MYOF: variants seen among roughly 807,000 people sequenced by gnomAD.
The protein encoded by MYOF is myoferlin.
MYOF carries 244 observed loss-of-function variants against 284.2 expected under a neutral mutation model. The ratio of observed to expected loss-of-function variants is 0.86; its 90% CI spans 0.77 to 0.95. The LOEUF (loss-of-function observed/expected upper bound fraction) is 0.95, where lower values mean the gene tolerates loss of function less well. Ranked by LOEUF, MYOF falls within the 40% of genes least tolerant of loss-of-function variation. MYOF has a pLI of 0.00. For synonymous variants in MYOF, 904 were observed against 919.7 expected (o/e 0.98, Z 0.31); for missense variants, 2,496 against 2,560.6 (o/e 0.97, Z 0.54).
intron 31 of MYOF, 49 bp from the exon 32 acceptor site, chr10:93,353,937 C>A (rs994576134): frequency 2.1e-6 from 3 of 1,413,978 alleles, no homozygotes; most frequent in Admixed American, 2.1e-5. Flanking sequence ...ACACTGTAAA[C>A]TGCTATTTTA....
intron 1 of MYOF, among the ~76,000 whole-genome samples, chr10:93,471,012 AT>A (rs202021871): frequency 2.0e-4 from 31 of 151,494 alleles, no homozygotes; most frequent in South Asian, 1.5e-3. Context: ...AGGGCAAGGA[AT>A]TTTTTTTTTC....
intron 49 of MYOF, among the ~76,000 whole-genome samples, chr10:93,319,030 G>A (rs1842742017): frequency 6.6e-6 from 1 of 152,154 alleles, no homozygotes; most frequent in Non-Finnish European, 1.5e-5. Context: ...TTTTAGAGAA[G>A]CTGCCTCTGT....
At chr10:93,406,288 T>TTATATATATATATATATA (rs3980375) in intron 7 of MYOF, among the ~76,000 whole-genome samples, 581 of 58,024 alleles carry the variant, frequency 0.01, 29 homozygotes, top group Non-Finnish European at 0.015. Context: ...TAAACCTCTT[T>TTATATATATATATATATA]TATATATATA....
intron 39 of MYOF, 49 bp downstream of exon 39, chr10:93,340,104 G>T (rs186497844): frequency 1.2e-6 from 2 of 1,605,400 alleles, no homozygotes; most frequent in East Asian, 4.5e-5. Flanking sequence ...AAAATTCTGG[G>T]CAGAAAATAC....
chr10:93,442,537 A>G (rs2056298428), intron 3 of MYOF, among the ~76,000 whole-genome samples: 1 of 152,092 alleles, frequency 6.6e-6, no homozygotes, highest in South Asian at 2.1e-4. Context: ...CCTTCTAGGT[A>G]TATTGTCAGG....
At chr10:93,394,770 C>T (rs1183004447) in intron 16 of MYOF, among the ~76,000 whole-genome samples, 1 of 145,768 alleles carries the variant, frequency 6.9e-6, no homozygotes, top group Non-Finnish European at 1.5e-5. Context: ...ACCACCTCGT[C>T]TTCTGATTGC....
At chr10:93,433,871 T>C (rs1006728600) in intron 3 of MYOF, among the ~76,000 whole-genome samples, 1 of 152,158 alleles carries the variant, frequency 6.6e-6, no homozygotes, top group African/African-American at 2.4e-5. Flanking sequence ...TCTTCAGAAA[T>C]AGGACTAGAT....
chr10:93,402,558 ACTCT>A (rs750056193), intron 10 of MYOF, among the ~76,000 whole-genome samples: 225 of 151,550 alleles, frequency 1.5e-3, no homozygotes, highest in Non-Finnish European at 2.5e-3. Flanking sequence ...CTCAAACAAG[ACTCT>A]CTAAGTTGTA....
chr10:93,404,948 G>A (rs373571831), intron 7 of MYOF, among the ~76,000 whole-genome samples: 4 of 152,238 alleles, frequency 2.6e-5, no homozygotes, highest in South Asian at 4.1e-4. Flanking sequence ...ACCATGTTAG[G>A]CTAATAAATG....
At chr10:93,371,208 T>A in intron 24 of MYOF, among the ~76,000 whole-genome samples, 1 of 152,212 alleles carries the variant, frequency 6.6e-6, no homozygotes, top group East Asian at 1.9e-4. Context: ...ACCAAGGATT[T>A]TAACGTAGCT....
chr10:93,367,576 A>T (rs1186243109), intron 25 of MYOF, among the ~76,000 whole-genome samples: 1 of 152,186 alleles, frequency 6.6e-6, no homozygotes, highest in Non-Finnish European at 1.5e-5. Flanking sequence ...GTCACATGAC[A>T]TGGACACAGA....
rs75043251 is a variant in MYOF at position 93,388,391 on chromosome 10, A to G, written c.1582-478T>C. ...CAGAATAGCCAGGAAGTAAAGGAGGAAGATGTAGGAGGAAGAAGTTCTGGG... is the reference window on the plus strand; with the variant it reads ...CAGAATAGCCAGGAAGTAAAGGAGGGAGATGTAGGAGGAAGAAGTTCTGGG... On this transcript the variant is annotated intron_variant, in intron 18 of 53. Coordinates refer to ENST00000359263, the MANE Select transcript of MYOF (RefSeq NM_013451.4). 5.8e-4 allele frequency among the ~76,000 whole-genome samples: 89 copies of G among 152,310 alleles called. 4 individuals carry two copies. The East Asian group carries it at 0.017, about 29-fold the overall frequency.
intron 43 of MYOF, among the ~76,000 whole-genome samples, chr10:93,331,389 A>G (rs1313434094): frequency 6.6e-6 from 1 of 152,174 alleles, no homozygotes; most frequent in East Asian, 1.9e-4. Flanking sequence ...CGATTGGCCG[A>G]GCAGAGCCTA....
rs553596270 is a variant in MYOF, at chr10:93,473,263, C to T, written c.88+8844G>A. ...GCTGCAGAGTTCATACTCTAGGCCC[C>T]CAGAAGGCTGCCCTGTGAGTAGACA... On this transcript the variant is annotated intron_variant, in intron 1 of 53. Coordinates refer to ENST00000359263, the MANE Select transcript of MYOF (RefSeq NM_013451.4). Among the ~76,000 whole-genome samples the T allele has an allele frequency of 1.1e-4, 16 of 152,330 alleles. No individual in the cohort carries two copies. In the South Asian group the frequency reaches 3.1e-3, roughly 30 times the overall value.
intron 1 of MYOF, among the ~76,000 whole-genome samples, chr10:93,481,206 T>C (rs146904609): frequency 6.6e-6 from 1 of 152,248 alleles, no homozygotes; most frequent in East Asian, 1.9e-4. Flanking sequence ...CCTTTTAAAA[T>C]TACCATGAGC....
chr10:93,398,026 C>T (rs1847106201), intron 13 of MYOF, among the ~76,000 whole-genome samples: 2 of 152,208 alleles, frequency 1.3e-5, no homozygotes, highest in South Asian at 4.1e-4. Context: ...TGCCTCCTGA[C>T]TTTCATGTCA....
At chr10:93,465,650 G>A (rs2056993207) in intron 1 of MYOF, among the ~76,000 whole-genome samples, 1 of 148,298 alleles carries the variant, frequency 6.7e-6, no homozygotes, top group Admixed American at 6.9e-5. Context: ...AAGTAGTTGG[G>A]ACTGTAGGCA....
chr10:93,361,889 T>C (rs61868502), intron 27 of MYOF, among the ~76,000 whole-genome samples: 4,635 of 152,326 alleles, frequency 0.03, 92 homozygotes, highest in Middle Eastern at 0.071. Context: ...ACTCTCTTTA[T>C]GAGGGGTTAC....
chr10:93,416,399 C>G (rs1334965313), intron 5 of MYOF, among the ~76,000 whole-genome samples: 3 of 152,000 alleles, frequency 2.0e-5, no homozygotes, highest in Non-Finnish European at 4.4e-5. Context: ...TGGCAGGCGC[C>G]TGTAATCCCA....
Sources: allele counts gnomAD v4.1 joint callset (sites outside exome capture counted in the v4.1 genomes callset), GRCh38; gene constraint gnomAD v4.1.1; transcripts MANE v1.5; gene names NCBI Gene and HGNC (gene_info 2026-07-23, HGNC 2026-07-21).